The following C6orf52 variants were observed in gnomAD, a reference collection of about 807,000 sequenced individuals.
The protein encoded by C6orf52 is chromosome 6 open reading frame 52.
C6orf52 carries 16 observed loss-of-function variants against 16.6 expected under a neutral mutation model. The observed-to-expected ratio is 0.96, with a 90% confidence interval of 0.65 to 1.46. The LOEUF is 1.46. Ranked by LOEUF, C6orf52 falls within the 40% of genes most tolerant of loss-of-function variation. The pLI, the probability that C6orf52 is intolerant of heterozygous loss-of-function variation, is 0.00. For missense variants in C6orf52, 166 were observed against 182.3 expected (o/e 0.91, Z 0.52); for synonymous variants, 53 against 61.4 (o/e 0.86, Z 0.64).
At chr6:10,692,461 T>C (rs1416832514) in intron 1 of C6orf52, among the ~76,000 whole-genome samples, 1 of 152,184 alleles carries the variant, frequency 6.6e-6, no homozygotes, top group Non-Finnish European at 1.5e-5. Context: ...GACTTTTTTT[T>C]TGAGACAGTC....
At chr6:10,672,205 T>A (rs1487812206) in intron 4 of C6orf52, among the ~76,000 whole-genome samples, 2 of 152,156 alleles carry the variant, frequency 1.3e-5, no homozygotes, top group East Asian at 3.8e-4. Flanking sequence ...GCTTACAAGG[T>A]CATTAATTTT....
chr6:10,672,256 G>C (rs1239172716), intron 4 of C6orf52, among the ~76,000 whole-genome samples: 2 of 152,046 alleles, frequency 1.3e-5, no homozygotes, highest in African/African-American at 4.8e-5. Flanking sequence ...GAATGTAATG[G>C]AAGAAGCCTT....
intron 4 of C6orf52, among the ~76,000 whole-genome samples, 177 bp downstream of exon 4, chr6:10,683,010 A>G (rs1768540197): frequency 6.6e-6 from 1 of 152,242 alleles, no homozygotes. Flanking sequence ...TGGCTTAGTT[A>G]AAGTTGTTCC....
In C6orf52 at chr6:10,687,018, A is replaced by C. The variant is rs909842152; in HGVS notation, c.218T>G (p.Phe73Cys). 1 of 1,551,598 alleles carries C rather than the reference A, an allele frequency of 6.4e-7. No individual in the cohort carries two copies. The highest frequency in any genetic ancestry group is 1.4e-5 in the African/African-American group (1 of 73,064). Residue 73 changes from phenylalanine (F) to cysteine (C), a missense_variant, in exon 3 of 5, where the codon TTT becomes TGT. Physicochemically the swap from Phe to Cys is radical, Grantham distance 205. Coordinates refer to ENST00000259983, the MANE Select transcript of C6orf52 (RefSeq NM_001145020.3). ...GTGTTCAGGGGTCTCATGCGCAGAA[A>C]AACAGTCCTTTCCATTTCCATCCAC... ...CAVDGNGKDC[F>C]SAHETPEHTA...
intron 4 of C6orf52, among the ~76,000 whole-genome samples, chr6:10,676,785 AC>A (rs1365533674): frequency 6.6e-6 from 1 of 152,128 alleles, no homozygotes; most frequent in East Asian, 1.9e-4. Context: ...TTCCTGTCAC[AC>A]AGAGCTGCTC....
chr6:10,694,687 C>T (rs549142659), upstream of C6orf52: 134 of 317,096 alleles, frequency 4.2e-4, no homozygotes, highest in Non-Finnish European at 7.4e-4. Flanking sequence ...TCCCTTCAGA[C>T]GGGCGTAGCT....
At chr6:10,680,208 G>C (rs73439076) in intron 4 of C6orf52, among the ~76,000 whole-genome samples, 16,490 of 151,954 alleles carry the variant, frequency 0.11, 2,763 homozygotes, top group African/African-American at 0.36. Flanking sequence ...CGAGATCACG[G>C]CACTGCACTC....
chr6:10,679,484 T>G (rs1768178659), intron 4 of C6orf52, among the ~76,000 whole-genome samples: 1 of 148,388 alleles, frequency 6.7e-6, no homozygotes, highest in South Asian at 2.1e-4. Context: ...TGCTAAACAG[T>G]GCTAACAAGT....
rs375308420 is a variant in C6orf52 at position 10,683,215 on chromosome 6, A to C, written c.288T>G (p.Ala96=). The change falls in exon 4 of 5, where the codon GCT becomes GCG. Residue 96 remains alanine (A), a synonymous_variant. Coordinates refer to ENST00000259983, the MANE Select transcript of C6orf52 (RefSeq NM_001145020.3). ...CTAGTGGGTCTTCATCTTGGTTTTCAGCTAGAGGTGTGGTTTCCTGCAACA... is the reference window on the plus strand; with the variant it reads ...CTAGTGGGTCTTCATCTTGGTTTTCCGCTAGAGGTGTGGTTTCCTGCAACA... The part of the protein sequence containing the change: ...LVMPKETTPL[A]ENQDEDPLED... 7 of 1,547,190 alleles carry C rather than the reference A, an allele frequency of 4.5e-6. No individual in the cohort carries two copies. Among genetic ancestry groups the C allele is most frequent in the Non-Finnish European group, 6.1e-6 (7 of 1,144,200 alleles).
intron 3 of C6orf52, 129 bp downstream of exon 3, chr6:10,686,837 T>G: frequency 1.5e-6 from 1 of 681,980 alleles, no homozygotes; most frequent in Non-Finnish European, 2.5e-6. Flanking sequence ...TCTCTAGTAT[T>G]AAAACAGGTA....
chr6:10,687,438 C>T, intron 2 of C6orf52, 42 bp downstream of exon 2: 1 of 1,340,852 alleles, frequency 7.5e-7, no homozygotes, highest in Non-Finnish European at 1.0e-6. Context: ...GCAAATAGAA[C>T]AGTAACAGCT....
At chr6:10,683,493 G>A (rs964610220) in intron 3 of C6orf52, among the ~76,000 whole-genome samples, 2 of 152,152 alleles carry the variant, frequency 1.3e-5, no homozygotes, top group African/African-American at 2.4e-5. Context: ...CTGGCCCCTG[G>A]ATTTTCTGGG....
chr6:10,684,016 GA>G (rs1000236696), intron 3 of C6orf52, among the ~76,000 whole-genome samples: 2 of 152,212 alleles, frequency 1.3e-5, no homozygotes, highest in Non-Finnish European at 2.9e-5. Context: ...GAGAGCCAAA[GA>G]TCTACTATCT....
intron 2 of C6orf52, 108 bp from the exon 3 acceptor site, chr6:10,687,272 C>T (rs775483645): frequency 1.3e-5 from 11 of 865,686 alleles, no homozygotes; most frequent in Non-Finnish European, 2.0e-5. Context: ...TGTTCAAAGC[C>T]ATAGTTTGAT....
At chr6:10,681,580 A>G (rs1048034168) in intron 4 of C6orf52, among the ~76,000 whole-genome samples, 1 of 152,200 alleles carries the variant, frequency 6.6e-6, no homozygotes, top group South Asian at 2.1e-4. Context: ...AGTGTTTATG[A>G]TATGGCAGCA....
At chr6:10,690,308 G>T (rs950687733) in intron 1 of C6orf52, among the ~76,000 whole-genome samples, 1 of 152,158 alleles carries the variant, frequency 6.6e-6, no homozygotes, top group Non-Finnish European at 1.5e-5. Flanking sequence ...TTACTCCCAT[G>T]AATCAGGTGA....
In C6orf52 at chr6:10,687,233, C is replaced by T. The variant is rs112034334; in HGVS notation, c.72-69G>A. 3.7e-3 allele frequency: 4,498 copies of T among 1,228,172 alleles called. 128 individuals carry two copies. In the African/African-American group the frequency reaches 0.061, roughly 17 times the overall value. 76.1% of individuals were successfully genotyped at this position (1,228,172 alleles called of 1,614,324 possible). ...AAACCCCCAAACCCTTTCTTCTTTC[C>T]AGGAAGTTTGCAGTAAGCTGAACAC... On this transcript the variant is annotated intron_variant, in intron 2 of 4. Coordinates refer to ENST00000259983, the MANE Select transcript of C6orf52 (RefSeq NM_001145020.3).
At chr6:10,687,608 A>T (rs1420959682) in intron 1 of C6orf52, 47 bp from the exon 2 acceptor site, 1 of 1,220,088 alleles carries the variant, frequency 8.2e-7, no homozygotes, top group Non-Finnish European at 1.2e-6. Context: ...TGCGTCAAAA[A>T]TCCAGCTTGT....
At chr6:10,684,600 A>G (rs1024072803) in intron 3 of C6orf52, among the ~76,000 whole-genome samples, 2 of 152,276 alleles carry the variant, frequency 1.3e-5, no homozygotes, top group African/African-American at 4.8e-5. Context: ...TAGTCTGGGA[A>G]GGTGTGCTGA....
Sources: allele counts gnomAD v4.1 joint callset (sites outside exome capture counted in the v4.1 genomes callset), GRCh38; gene constraint gnomAD v4.1.1; transcripts MANE v1.5; gene names NCBI Gene and HGNC (gene_info 2026-07-23, HGNC 2026-07-21).